SLC35D4: variants seen among roughly 807,000 people sequenced by gnomAD.
SLC35D4 encodes the protein solute carrier family 35 member D4, also known as UDP-N-acetylglucosamine transporter SLC35D4.
At chr18:23,244,734 C>A in the SLC35D4 span, among the ~76,000 whole-genome samples, 2 of 152,234 alleles carry the variant, frequency 1.3e-5, no homozygotes, top group African/African-American at 4.8e-5. Flanking sequence ...ATCCTTCCTT[C>A]CTTTCACAGG....
At chr18:23,427,836 G>T in the SLC35D4 span, among the ~76,000 whole-genome samples, 55 of 152,314 alleles carry the variant, frequency 3.6e-4, no homozygotes, top group Middle Eastern at 6.8e-3. Flanking sequence ...ATACTATGCA[G>T]CCATAAAAAA....
At chr18:23,252,228 G>GT in the SLC35D4 span, among the ~76,000 whole-genome samples, 1 of 152,226 alleles carries the variant, frequency 6.6e-6, no homozygotes, top group African/African-American at 2.4e-5. Flanking sequence ...TGGATGGGGA[G>GT]TTGGCATTTA....
chr18:23,253,420 T>G, the SLC35D4 span, among the ~76,000 whole-genome samples: 3 of 151,978 alleles, frequency 2.0e-5, no homozygotes, highest in Non-Finnish European at 2.9e-5. Context: ...GAGGTGGAGG[T>G]TGCAGTGAGC....
At chr18:23,312,540 G>C in the SLC35D4 span, among the ~76,000 whole-genome samples, 1 of 152,134 alleles carries the variant, frequency 6.6e-6, no homozygotes, top group East Asian at 1.9e-4. Flanking sequence ...TATTTCTGTA[G>C]AGAATGTAGA....
the SLC35D4 span, among the ~76,000 whole-genome samples, chr18:23,385,823 G>A: frequency 5.3e-5 from 8 of 152,084 alleles, no homozygotes; most frequent in South Asian, 2.1e-4. Context: ...GTCTAGGGGC[G>A]CCATAGGATG....
chr18:23,246,937 C>T, the SLC35D4 span, among the ~76,000 whole-genome samples: 4,592 of 152,336 alleles, frequency 0.03, 106 homozygotes, highest in Middle Eastern at 0.078. Flanking sequence ...AAGTGATCTG[C>T]CTGCCTCAGC....
chr18:23,309,803 T>A, the SLC35D4 span: 1 of 1,529,108 alleles, frequency 6.5e-7, no homozygotes, highest in Non-Finnish European at 9.1e-7. Context: ...AAACCTCCAA[T>A]GTCATTTTTT....
chr18:23,392,482 G>T, the SLC35D4 span, among the ~76,000 whole-genome samples: 1 of 152,182 alleles, frequency 6.6e-6, no homozygotes, highest in African/African-American at 2.4e-5. Context: ...GGACCAGACT[G>T]CCTTCTTTCC....
the SLC35D4 span, among the ~76,000 whole-genome samples, chr18:23,361,373 T>C: frequency 6.6e-6 from 1 of 152,154 alleles, no homozygotes; most frequent in Non-Finnish European, 1.5e-5. Flanking sequence ...AGTTCTGTTC[T>C]ACCTTGAAGT....
the SLC35D4 span, among the ~76,000 whole-genome samples, chr18:23,374,404 T>C: frequency 2.4e-4 from 36 of 151,866 alleles, no homozygotes; most frequent in Admixed American, 1.6e-3. Context: ...GCCTCCCCTA[T>C]TCAAAAATGT....
At chr18:23,309,588 C>T in the SLC35D4 span, 3 of 1,114,690 alleles carry the variant, frequency 2.7e-6, no homozygotes, top group Middle Eastern at 2.0e-4. Flanking sequence ...CCAACGCACA[C>T]TCCCTTTCTG....
chr18:23,265,643 C>T, the SLC35D4 span, among the ~76,000 whole-genome samples: 2 of 151,926 alleles, frequency 1.3e-5, no homozygotes, highest in Non-Finnish European at 2.9e-5. Context: ...TTCCCACCAG[C>T]CCAGACCCCT....
the SLC35D4 span, among the ~76,000 whole-genome samples, chr18:23,358,440 AAAAG>A: frequency 1.1e-4 from 15 of 139,712 alleles, no homozygotes; most frequent in African/African-American, 2.8e-4. Context: ...AGGAGGGAGG[AAAAG>A]AAAGAAAGAA....
At chr18:23,285,789 C>T in the SLC35D4 span, among the ~76,000 whole-genome samples, 1 of 152,166 alleles carries the variant, frequency 6.6e-6, no homozygotes, top group African/African-American at 2.4e-5. Flanking sequence ...CTCCTCACAC[C>T]GGGTCCGGCT....
the SLC35D4 span, among the ~76,000 whole-genome samples, chr18:23,367,873 C>T: frequency 6.6e-5 from 10 of 151,958 alleles, no homozygotes; most frequent in South Asian, 2.1e-3. Context: ...CCTCCTGCCT[C>T]AGCCTCCCAA....
At chr18:23,245,995 C>T in the SLC35D4 span, among the ~76,000 whole-genome samples, 5 of 152,164 alleles carry the variant, frequency 3.3e-5, no homozygotes, top group Admixed American at 6.5e-5. Context: ...CGGCCGGGCA[C>T]GGTGGCTCAC....
the SLC35D4 span, among the ~76,000 whole-genome samples, chr18:23,249,269 A>G: frequency 4.2e-4 from 64 of 152,228 alleles, no homozygotes; most frequent in Non-Finnish European, 6.9e-4. Context: ...CAGCCTCCGT[A>G]GCACAACAGG....
the SLC35D4 span, among the ~76,000 whole-genome samples, chr18:23,284,810 A>T: frequency 6.6e-6 from 1 of 152,222 alleles, no homozygotes; most frequent in Admixed American, 6.5e-5. Flanking sequence ...CATTCCTGGA[A>T]CATGATTGGT....
chr18:23,394,460 C>T, the SLC35D4 span, among the ~76,000 whole-genome samples: 46,794 of 151,980 alleles, frequency 0.31, 8,590 homozygotes, highest in East Asian at 0.47. Context: ...AAGTGAATCC[C>T]GCAATTGAAG....
Sources: allele counts gnomAD v4.1 joint callset (sites outside exome capture counted in the v4.1 genomes callset), GRCh38; gene constraint gnomAD v4.1.1; transcripts MANE v1.5; gene names NCBI Gene and HGNC (gene_info 2026-07-23, HGNC 2026-07-21).